Variants in CASD1 observed in about 807,000 individuals in gnomAD.
The protein encoded by CASD1 is CAS1 domain sialic acid O acetyltransferase 1, also known as N-acetylneuraminate (7)9-O-acetyltransferase.
Under a neutral mutation model 100.0 loss-of-function variants are expected in CASD1, and 41 were observed. The observed-to-expected ratio is 0.41, with a 90% CI of 0.32 to 0.53. The LOEUF (loss-of-function observed/expected upper bound fraction) is 0.53, where lower values mean the gene tolerates loss of function less well. Among genes scored for constraint, CASD1 ranks in the 20% least tolerant of loss-of-function variants. CASD1 has a pLI of 0.25. For synonymous variants in CASD1, 321 were observed against 315.6 expected (o/e 1.02, Z -0.18); for missense variants, 774 against 948.7 (o/e 0.82, Z 2.42).
the CASD1 span, among the ~76,000 whole-genome samples, chr7:94,569,524 G>A: frequency 6.6e-6 from 1 of 151,936 alleles, no homozygotes; most frequent in Non-Finnish European, 1.5e-5. Flanking sequence ...GTGCAGTTTT[G>A]GCTCACTGCA....
chr7:94,601,069 A>G, the CASD1 span, among the ~76,000 whole-genome samples: 17 of 152,310 alleles, frequency 1.1e-4, 2 homozygotes, highest in African/African-American at 3.8e-4. Context: ...TCTACTTTCT[A>G]TGTTCTTCCT....
Position 94,555,823 on chromosome 7 carries a change from G to A in CASD1, c.*65G>A, listed in dbSNP as rs949079420. The A allele has an allele frequency of 3.4e-6, 5 of 1,463,302 alleles. No homozygotes were observed. Among genetic ancestry groups the A allele is most frequent in the Middle Eastern group, 2.2e-4 (1 of 4,472 alleles). 90.6% of individuals were successfully genotyped at this position (1,463,302 alleles called of 1,614,324 possible). On this transcript the variant is annotated 3_prime_UTR_variant, in exon 18 of 18. Transcript: ENST00000297273. ...CTTTGTGTGTCTCTAGAAGAGAAAA[G>A]CATCTATCTGGAGATATAAATGTGT...
chr7:94,628,334 T>A, the CASD1 span: 1 of 1,610,902 alleles, frequency 6.2e-7, no homozygotes, highest in Non-Finnish European at 8.5e-7. Flanking sequence ...TTGTATTAAA[T>A]GTTATGGGAT....
At position 94,533,745 on chromosome 7, in the gene CASD1, A is replaced by G. The variant is rs922613809; in HGVS notation, c.571A>G (p.Ile191Val). 8.7e-6 allele frequency: 14 copies of G among 1,605,526 alleles called. No homozygotes were observed. The highest frequency in any genetic ancestry group is 1.3e-5 in the African/African-American group (1 of 74,528). The change falls in exon 7 of 18, where the codon ATA (isoleucine) becomes GTA (valine). Residue 191 changes from isoleucine to valine, a missense_variant. Around this residue, in one of 5 missense-constraint regions of CASD1, gnomAD observed 453 missense variants for 532.6 expected, o/e 0.85. Coordinates refer to ENST00000297273, the MANE Select transcript of CASD1 (RefSeq NM_022900.5). Reference sequence around the variant, plus strand: ...TCAATATAAAATGAACATCACCTCCATAGCACCACTTTTAGAAAAATTGGC... The same window carrying G: ...TCAATATAAAATGAACATCACCTCCGTAGCACCACTTTTAGAAAAATTGGC... The part of the protein sequence containing the change: ...LSQYKMNITS[I>V]APLLEKLAKT...
the CASD1 span, among the ~76,000 whole-genome samples, chr7:94,596,651 A>T: frequency 6.6e-6 from 1 of 152,144 alleles, no homozygotes; most frequent in Non-Finnish European, 1.5e-5. Flanking sequence ...ATATGCTTGG[A>T]TAATGCTGCC....
chr7:94,608,321 G>C, the CASD1 span, among the ~76,000 whole-genome samples: 1 of 152,140 alleles, frequency 6.6e-6, no homozygotes, highest in Non-Finnish European at 1.5e-5. Flanking sequence ...GGGCGACAGA[G>C]TACCCTCCAA....
At chr7:94,618,080 A>T in the CASD1 span, 7 of 152,228 alleles carry the variant, frequency 4.6e-5, no homozygotes, top group African/African-American at 1.7e-4. Context: ...CCCAGGCAGG[A>T]TTCTTTCTTG....
chr7:94,568,786 A>G, the CASD1 span, among the ~76,000 whole-genome samples: 2 of 152,224 alleles, frequency 1.3e-5, no homozygotes, highest in African/African-American at 2.4e-5. Flanking sequence ...AAGAAGCCCC[A>G]GAGAGTTTCC....
At chr7:94,602,206 ATCGTT>A in the CASD1 span, among the ~76,000 whole-genome samples, 1 of 152,126 alleles carries the variant, frequency 6.6e-6, no homozygotes, top group Admixed American at 6.6e-5. Context: ...GCACCCTTGT[ATCGTT>A]AGCACCATGA....
the CASD1 span, among the ~76,000 whole-genome samples, chr7:94,614,558 T>C: frequency 5.5e-3 from 837 of 152,276 alleles, 10 homozygotes; most frequent in African/African-American, 0.019. Flanking sequence ...CCTTCGGTAC[T>C]CGCCCAAGCC....
chr7:94,547,239 G>A, intron 13 of CASD1, 64 bp downstream of exon 13: 1 of 1,231,114 alleles, frequency 8.1e-7, no homozygotes, highest in Admixed American at 2.3e-5. Flanking sequence ...GTCTATTAAA[G>A]CATGTGAGAA....
At chr7:94,516,348 C>T (rs1450281584) in intron 1 of CASD1, among the ~76,000 whole-genome samples, 1 of 152,110 alleles carries the variant, frequency 6.6e-6, no homozygotes, top group East Asian at 1.9e-4. Context: ...GTATTTGTAT[C>T]ACCTTTTGTC....
chr7:94,581,885 ATACCCAGCAATGGGAT>A, the CASD1 span, among the ~76,000 whole-genome samples: 3 of 152,192 alleles, frequency 2.0e-5, no homozygotes, highest in Non-Finnish European at 1.5e-5. Context: ...CTTTGCGTAT[ATACCCAGCAATGGGAT>A]TGCTGGGTTG....
chr7:94,632,308 T>C, the CASD1 span, among the ~76,000 whole-genome samples: 4 of 152,076 alleles, frequency 2.6e-5, no homozygotes, highest in Non-Finnish European at 5.9e-5. Flanking sequence ...CCACTCCATA[T>C]CATCTCACTT....
chr7:94,541,279 GATT>G (rs1397825885), intron 10 of CASD1, among the ~76,000 whole-genome samples: 6 of 151,894 alleles, frequency 4.0e-5, no homozygotes, highest in African/African-American at 1.2e-4. Flanking sequence ...TAACTGTCAT[GATT>G]ATTTTAATTA....
chr7:94,589,262 G>A, the CASD1 span: 1 of 162,186 alleles, frequency 6.2e-6, no homozygotes, highest in East Asian at 1.7e-4. Flanking sequence ...AGTCATCCTT[G>A]TTCCTTCCCT....
chr7:94,562,264 T>G, the CASD1 span, among the ~76,000 whole-genome samples: 4 of 152,188 alleles, frequency 2.6e-5, no homozygotes, highest in Admixed American at 2.6e-4. Context: ...TGATCCCTTT[T>G]TCCTTCTCAT....
the CASD1 span, among the ~76,000 whole-genome samples, chr7:94,575,111 T>G: frequency 6.6e-6 from 1 of 152,190 alleles, no homozygotes; most frequent in Non-Finnish European, 1.5e-5. Flanking sequence ...TTTGTTCTTG[T>G]GTCTTGAATT....
the CASD1 span, chr7:94,598,897 A>G: frequency 1.2e-6 from 2 of 1,613,820 alleles, no homozygotes; most frequent in South Asian, 2.2e-5. Context: ...CTATCTCTCT[A>G]TTCTTGGACA....
Sources: gnomAD v4.1 joint callset for allele counts (sites outside exome capture counted in the v4.1 genomes callset) on GRCh38, gnomAD v4.1.1 for gene constraint, gnomAD v4.1.1 regional missense constraint, MANE v1.5 for transcripts, NCBI Gene and HGNC (gene_info 2026-07-23, HGNC 2026-07-21) for gene names.